USH2A: variants seen among roughly 807,000 people sequenced by gnomAD.
USH2A encodes Usher syndrome 2A (autosomal recessive, mild).
Under a neutral mutation model 538.9 loss-of-function variants are expected in USH2A, and 443 were observed. That is an observed-to-expected ratio of 0.82 (90% CI 0.76 to 0.89). The LOEUF (loss-of-function observed/expected upper bound fraction) is 0.89. Ranked by LOEUF, USH2A falls within the 40% of genes least tolerant of loss-of-function variation. The probability of loss-of-function intolerance (pLI) is 0.00; values close to 1 mark genes in which losing one functional copy is unlikely to be tolerated. For missense variants in USH2A, 6,633 were observed against 6,324.8 expected, an observed-to-expected ratio of 1.05 and a Z score of -1.65; for synonymous variants, 2,413 against 2,273.5, an observed-to-expected ratio of 1.06 and a Z score of -1.75.
chr1:216,108,847 T>C (rs2032799154), intron 21 of USH2A, among the ~76,000 whole-genome samples: 1 of 152,170 alleles, frequency 6.6e-6, no homozygotes, highest in African/African-American at 2.4e-5. Context: ...TATCTTTTCA[T>C]CCATTATATG....
At chr1:216,233,732 ATTCAAATTACTTAAAATCTC>A in intron 13 of USH2A, among the ~76,000 whole-genome samples, 1 of 152,296 alleles carries the variant, frequency 6.6e-6, no homozygotes, top group East Asian at 1.9e-4. Context: ...TCAAAAGTTT[ATTCAAATTACTTAAAATCTC>A]TTCAGACCCA....
intron 44 of USH2A, among the ~76,000 whole-genome samples, chr1:215,857,968 G>A (rs533249660): frequency 6.6e-6 from 1 of 152,270 alleles, no homozygotes; most frequent in East Asian, 1.9e-4. Context: ...GCCAAGTGGG[G>A]ATCCACTCAG....
intron 38 of USH2A, among the ~76,000 whole-genome samples, chr1:215,917,657 T>G (rs544542823): frequency 5.4e-4 from 82 of 151,530 alleles, no homozygotes; most frequent in African/African-American, 1.9e-3. Context: ...AATAAATTAC[T>G]GAGGGGCTGG....
intron 4 of USH2A, among the ~76,000 whole-genome samples, chr1:216,358,898 G>C (rs1046919695): frequency 1.3e-5 from 2 of 152,060 alleles, no homozygotes; most frequent in African/African-American, 4.8e-5. Context: ...GTATACTGAA[G>C]TAGAATAGAA....
chr1:215,939,484 T>G (rs538225529), intron 37 of USH2A, among the ~76,000 whole-genome samples: 1 of 152,286 alleles, frequency 6.6e-6, no homozygotes, highest in Non-Finnish European at 1.5e-5. Flanking sequence ...ATATAAAGTC[T>G]TAACTGAAAT....
At chr1:216,057,406 A>G (rs916380538) in intron 30 of USH2A, among the ~76,000 whole-genome samples, 1 of 152,228 alleles carries the variant, frequency 6.6e-6, no homozygotes, top group Non-Finnish European at 1.5e-5. Context: ...CTGTAATGCC[A>G]GCACTTTGGG....
At chr1:216,155,168 T>C (rs1202438801) in intron 21 of USH2A, among the ~76,000 whole-genome samples, 1 of 152,080 alleles carries the variant, frequency 6.6e-6, no homozygotes, top group East Asian at 1.9e-4. Context: ...ATAGTTTAAC[T>C]TGAAAGCAAA....
At chr1:215,682,601 C>T (rs1388383730) in intron 61 of USH2A, among the ~76,000 whole-genome samples, 3 of 152,072 alleles carry the variant, frequency 2.0e-5, no homozygotes, top group East Asian at 3.9e-4. Flanking sequence ...TCAAAATGCC[C>T]TAGCTTCCAA....
intron 40 of USH2A, among the ~76,000 whole-genome samples, chr1:215,893,609 A>C (rs1665257373): frequency 6.6e-6 from 1 of 152,174 alleles, no homozygotes. Flanking sequence ...TAAGGCAGCT[A>C]TGATAAAATT....
chr1:216,001,960 C>T (rs181302676), intron 32 of USH2A, among the ~76,000 whole-genome samples: 135 of 152,164 alleles, frequency 8.9e-4, no homozygotes, highest in Middle Eastern at 6.8e-3. Flanking sequence ...TACAGGAATC[C>T]AATGGTTGCA....
At chr1:216,284,918 T>G (rs2036852614) in intron 11 of USH2A, among the ~76,000 whole-genome samples, 1 of 152,076 alleles carries the variant, frequency 6.6e-6, no homozygotes, top group South Asian at 2.1e-4. Flanking sequence ...ATTTTGCCCC[T>G]CCCCTGGAGA....
At chr1:215,659,548 T>C (rs1262759657) in intron 64 of USH2A, among the ~76,000 whole-genome samples, 1 of 152,236 alleles carries the variant, frequency 6.6e-6, no homozygotes, top group East Asian at 1.9e-4. Context: ...TGTATTTATA[T>C]ATTAAATTTT....
At chr1:215,656,914 C>T (rs1657272689) in intron 64 of USH2A, among the ~76,000 whole-genome samples, 1 of 152,176 alleles carries the variant, frequency 6.6e-6, no homozygotes, top group Admixed American at 6.5e-5. Flanking sequence ...AACAGCTATG[C>T]CAGTAATTAA....
In USH2A at chr1:215,674,214, G is replaced by C; in HGVS notation, c.13697C>G (p.Thr4566Ser). 1 of 1,614,124 alleles carries C rather than the reference G, an allele frequency of 6.2e-7. No individual in the cohort carries two copies. Among genetic ancestry groups the C allele is most frequent in the Non-Finnish European group, 8.5e-7 (1 of 1,180,022 alleles). ...TTCAAATAGTTCACGGATGAAGAGG[G>C]TATAATTGATGATATCACCATTTGT... ...VRTNGDIINY[T>S]LFIRELFERE... Residue 4566 changes from threonine (T) to serine (S), a missense_variant, in exon 63 of 72, where the codon ACC becomes AGC. Physicochemically the swap from Thr to Ser is moderately conservative, Grantham distance 58. Coordinates refer to ENST00000307340, the MANE Select transcript of USH2A (RefSeq NM_206933.4).
chr1:216,054,202 C>G (rs927399373), intron 30 of USH2A, among the ~76,000 whole-genome samples: 18 of 152,208 alleles, frequency 1.2e-4, no homozygotes, highest in African/African-American at 4.1e-4. Flanking sequence ...TCGGCTATTT[C>G]TCTCACTATA....
chr1:215,954,041 A>G (rs1166461290), intron 37 of USH2A, among the ~76,000 whole-genome samples: 2 of 152,168 alleles, frequency 1.3e-5, no homozygotes, highest in African/African-American at 2.4e-5. Context: ...TTAGGATGGC[A>G]ATCATTAAAA....
chr1:215,833,761 A>G (rs1663396211), intron 47 of USH2A, among the ~76,000 whole-genome samples: 2 of 152,076 alleles, frequency 1.3e-5, no homozygotes, highest in Admixed American at 1.3e-4. Context: ...AAAACAAATC[A>G]TAAGGTAGAG....
intron 20 of USH2A, among the ~76,000 whole-genome samples, chr1:216,183,983 G>T (rs780221347): frequency 1.3e-5 from 2 of 151,918 alleles, no homozygotes; most frequent in Admixed American, 6.6e-5. Context: ...AATTTCTGTT[G>T]AAAGAGCAAA....
Position 215,640,634 on chromosome 1 carries a change from G to A in USH2A, c.14892C>T (p.Tyr4964=), listed in dbSNP as rs149877542. ...TFLLNGQLKE[Y]VLTDGGRRVY... ...CGCGTCGCCCTCCGTCGGTTAACAC[G>A]TACTCCTTCAGTTGGCCGTTCAGGA... is the stretch of plus-strand genomic sequence containing the variant. The change falls in exon 68 of 72, where the codon TAC becomes TAT. Residue 4964 remains tyrosine (Y), a synonymous_variant. Transcript: ENST00000307340. 6.4e-5 allele frequency: 104 copies of A among 1,613,740 alleles called. No homozygotes were observed. The highest frequency in any genetic ancestry group is 8.3e-5 in the Admixed American group (5 of 59,958).
Sources: allele counts gnomAD v4.1 joint callset (sites outside exome capture counted in the v4.1 genomes callset), GRCh38; gene constraint gnomAD v4.1.1; transcripts MANE v1.5; gene names NCBI Gene and HGNC (gene_info 2026-07-23, HGNC 2026-07-21).